Variants in ZNF557 observed in about 807,000 individuals in gnomAD.
The protein encoded by ZNF557 is zinc finger protein 557, also known as CTB-25J19.9.
In ZNF557, 19 loss-of-function variants were observed where a neutral mutation model predicts 21.2. The observed-to-expected ratio is 0.90, with a 90% confidence interval of 0.63 to 1.32. ZNF557 has a LOEUF of 1.32. Ranked by LOEUF, ZNF557 falls within the 40% of genes most tolerant of loss-of-function variation. The pLI, the probability that ZNF557 is intolerant of heterozygous loss-of-function variation, is 0.00. For synonymous variants in ZNF557, 207 were observed against 194.8 expected, an observed-to-expected ratio of 1.06 and a Z score of -0.52; for missense variants, 487 against 519.8, an observed-to-expected ratio of 0.94 and a Z score of 0.61.
Position 7,083,116 on chromosome 19 carries a change from ACC to A in ZNF557, c.666_667del (p.Leu223TyrfsTer4), listed in dbSNP as rs747465831. ...GGGAAAACCTTCAGCAGCAGATCTT[ACC>A]TTACTGTTCATAAGAGAATCCACAA... On this transcript the variant is annotated frameshift_variant, in exon 8 of 8. Coordinates refer to ENST00000252840, the MANE Select transcript of ZNF557 (RefSeq NM_024341.3). LOFTEE classifies it low-confidence loss of function (END_TRUNC). 6.2e-7 allele frequency: 1 copy of A among 1,614,178 alleles called. No homozygotes were observed. Among genetic ancestry groups the A allele is most frequent in the East Asian group, 2.2e-5 (1 of 44,878 alleles).
chr19:7,082,173 T>G, intron 7 of ZNF557, 121 bp downstream of exon 7: 1 of 723,220 alleles, frequency 1.4e-6, no homozygotes. Flanking sequence ...CCCAGCACCT[T>G]GGGAAGCTGA....
At position 7,073,161 on chromosome 19, in the gene ZNF557, T is replaced by TTG. The variant is rs1288884280; in HGVS notation, c.-79-1834_-79-1833insGT. On this transcript the variant is annotated intron_variant, in intron 2 of 7. Transcript: ENST00000252840. The stretch of plus-strand genomic sequence containing the variant: ...TTTGTTTTTTTGGTTTTTTTTGTTT[T>TTG]TTTTTTTTTGAGATGGAGTCTTACT... Among the ~76,000 whole-genome samples the TTG allele has an allele frequency of 6.8e-4, 102 of 149,060 alleles. 1 individual carries two copies. Among genetic ancestry groups the TTG allele is most frequent in the South Asian group, 5.9e-3 (28 of 4,716 alleles).
At chr19:7,079,621 A>G (rs1977661374) in intron 5 of ZNF557, among the ~76,000 whole-genome samples, 1 of 151,890 alleles carries the variant, frequency 6.6e-6, no homozygotes, top group African/African-American at 2.4e-5. Context: ...AGTTCTTTAA[A>G]TCTGATTTCC....
chr19:7,071,932 C>T (rs1466006541), intron 2 of ZNF557, among the ~76,000 whole-genome samples: 12 of 139,246 alleles, frequency 8.6e-5, no homozygotes, highest in South Asian at 4.7e-4. Flanking sequence ...GGTGAAACCC[C>T]GTCTGTACTA....
At chr19:7,082,118 A>G (rs929428676) in intron 7 of ZNF557, 66 bp downstream of exon 7, 1 of 1,334,554 alleles carries the variant, frequency 7.5e-7, no homozygotes, top group Non-Finnish European at 1.1e-6. Flanking sequence ...GAAAAGCCAC[A>G]AGGACTGGCC....
rs1430538308 is a variant in ZNF557, at chr19:7,084,608, C to T, written c.*864C>T. On this transcript the variant is annotated 3_prime_UTR_variant, in exon 8 of 8. Transcript: ENST00000252840. ...GTTCAAGCAGTCCTTTCATCTTGGC[C>T]TCCAGAAGTACTGGGATTACAGGCA... 2.0e-5 allele frequency: 3 copies of T among 152,200 alleles called. No individual in the cohort carries two copies. The highest frequency in any genetic ancestry group is 2.1e-4 in the South Asian group (1 of 4,828). 9.4% of individuals were successfully genotyped at this position (152,200 alleles called of 1,614,324 possible). A position where few individuals can be genotyped will look rare whatever the true frequency, so the allele number is the denominator to read the frequency against.
intron 2 of ZNF557, among the ~76,000 whole-genome samples, chr19:7,072,637 G>A (rs1369575135): frequency 1.3e-5 from 2 of 152,102 alleles, no homozygotes; most frequent in South Asian, 2.1e-4. Context: ...GCCTCTGCAC[G>A]TGCACTTTCC....
In ZNF557 at chr19:7,076,494, C is replaced by T. The variant is rs1977589915; in HGVS notation, c.234C>T (p.Asn78=). 1.2e-6 allele frequency: 2 copies of T among 1,614,062 alleles called. No homozygotes were observed. The highest frequency in any genetic ancestry group is 4.5e-5 in the East Asian group (2 of 44,880). ...YRDVMLENCR[N]LASLGNQVDK... ...ACGTGATGCTGGAGAACTGCAGGAA[C>T]CTGGCCTCACTGGGTAAGCCTAATG... Residue 78 remains asparagine (N), a synonymous_variant, in exon 5 of 8, where the codon AAC becomes AAT. Transcript: ENST00000252840.
chr19:7,078,722 C>A (rs1977633519), intron 5 of ZNF557, among the ~76,000 whole-genome samples: 1 of 152,114 alleles, frequency 6.6e-6, no homozygotes, highest in African/African-American at 2.4e-5. Flanking sequence ...TGACCCATTG[C>A]ACCTTGCCAA....
Position 7,083,377 on chromosome 19 carries a change from C to T in ZNF557, c.926C>T (p.Ser309Leu), listed in dbSNP as rs201284911. ...KAFGTRSSLS[S>L]HYSIHTGEYP... is the part of the protein sequence containing the mutation. Reference sequence around the variant, plus strand: ...TTCGGCACGAGGTCATCTCTTTCTTCGCACTATAGCATTCATACAGGGGAG... The same window carrying T: ...TTCGGCACGAGGTCATCTCTTTCTTTGCACTATAGCATTCATACAGGGGAG... The change falls in exon 8 of 8, where the codon TCG becomes TTG. Residue 309 changes from serine to leucine, a missense_variant. Coordinates refer to ENST00000252840, the MANE Select transcript of ZNF557 (RefSeq NM_024341.3). 50 of 1,614,032 alleles carry T rather than the reference C, an allele frequency of 3.1e-5. No individual in the cohort carries two copies. In the African/African-American group the frequency reaches 3.7e-4, roughly 12 times the overall value.
At position 7,083,387 on chromosome 19, in the gene ZNF557, C is replaced by T; in HGVS notation, c.936C>T (p.Ser312=). Residue 312 remains serine (S), a synonymous_variant, in exon 8 of 8, where the codon AGC becomes AGT. Coordinates refer to ENST00000252840, the MANE Select transcript of ZNF557 (RefSeq NM_024341.3). The part of the protein sequence containing the change: ...GTRSSLSSHY[S]IHTGEYPYEC... ...GGTCATCTCTTTCTTCGCACTATAG[C>T]ATTCATACAGGGGAGTACCCTTACG... 3.1e-6 allele frequency: 5 copies of T among 1,614,206 alleles called. No homozygotes were observed. The highest frequency in any genetic ancestry group is 4.2e-6 in the Non-Finnish European group (5 of 1,180,044).
intron 5 of ZNF557, among the ~76,000 whole-genome samples, chr19:7,079,014 G>A (rs1599841872): frequency 6.6e-6 from 1 of 151,514 alleles, no homozygotes; most frequent in Admixed American, 6.6e-5. Context: ...TTCCTATTTG[G>A]CTCCTTTTTA....
At position 7,077,132 on chromosome 19, in the gene ZNF557, C is replaced by CT. The variant is rs4031071; in HGVS notation, c.247+646dup. Among the ~76,000 whole-genome samples, 113 of 78,340 alleles carry CT rather than the reference C, an allele frequency of 1.4e-3. 5 individuals carry two copies. The highest frequency in any genetic ancestry group is 4.3e-3 in the African/African-American group (82 of 19,108). The allele number at this position is 78,340 out of a possible 152,430, so 51.4% of individuals were successfully genotyped here. Reference sequence around the variant, plus strand: ...TTTTGCTTAGCATAATGTTTTCTTTCTTTTTTTTTTTTTTTTTTTTTGAGA... The same window carrying CT: ...TTTTGCTTAGCATAATGTTTTCTTTCTTTTTTTTTTTTTTTTTTTTTTGAGA... On this transcript the variant is annotated intron_variant, in intron 5 of 7. Coordinates refer to ENST00000252840, the MANE Select transcript of ZNF557 (RefSeq NM_024341.3).
chr19:7,076,840 G>A (rs1022258842), intron 5 of ZNF557, among the ~76,000 whole-genome samples: 1 of 152,006 alleles, frequency 6.6e-6, no homozygotes, highest in Non-Finnish European at 1.5e-5. Context: ...GTCTCCCTCC[G>A]TCACCCAGGC....
At chr19:7,073,462 C>T (rs1209913528) in intron 2 of ZNF557, among the ~76,000 whole-genome samples, 1 of 151,990 alleles carries the variant, frequency 6.6e-6, no homozygotes, top group Admixed American at 6.6e-5. Flanking sequence ...GGCTATAATA[C>T]AGATTTTCTT....
In ZNF557 at chr19:7,083,279, G is replaced by T; in HGVS notation, c.828G>T (p.Gln276His). The T allele has an allele frequency of 6.2e-7, 1 of 1,614,228 alleles. No individual in the cohort carries two copies. The highest frequency in any genetic ancestry group is 8.5e-7 in the Non-Finnish European group (1 of 1,180,042). ...AGTGTTTTCGTGAGTTCCGCACTCA[G>T]TCAATCTTCACAAGGCACAAGAGAG... ...CNQCFREFRTQSIFTRHKRVH... is the reference protein window; with the variant it reads ...CNQCFREFRTHSIFTRHKRVH... The change falls in exon 8 of 8, where the codon CAG becomes CAT. Residue 276 changes from glutamine (Q) to histidine (H), a missense_variant. Physicochemically the swap from Gln to His is conservative, Grantham distance 24. Coordinates refer to ENST00000252840, the MANE Select transcript of ZNF557 (RefSeq NM_024341.3).
intron 2 of ZNF557, 52 bp from the exon 3 acceptor site, chr19:7,074,944 G>A: frequency 6.8e-7 from 1 of 1,481,464 alleles, no homozygotes; most frequent in Non-Finnish European, 9.3e-7. Context: ...CCGACGCAGG[G>A]CACGGGCTGG....
At position 7,086,803 on chromosome 19, in the gene ZNF557, A is replaced by T. The variant is rs1224083397; in HGVS notation, c.*3059A>T. The T allele has an allele frequency of 6.6e-6, 1 of 151,876 alleles. No individual in the cohort carries two copies. Among genetic ancestry groups the T allele is most frequent in the Non-Finnish European group, 1.5e-5 (1 of 67,976 alleles). 9.4% of individuals were successfully genotyped at this position (151,876 alleles called of 1,614,324 possible). ...CACTTTGGGAGGCCGAGGCAGGCGG[A>T]CCACCTGAGGTCAGGAGTTCAAGAC... On this transcript the variant is annotated 3_prime_UTR_variant, in exon 8 of 8. Transcript: ENST00000252840.
In ZNF557 at chr19:7,081,471, A is replaced by G. The variant is rs376126949; in HGVS notation, c.343+16A>G. The G allele has an allele frequency of 1.3e-6, 2 of 1,569,440 alleles. No homozygotes were observed. Among genetic ancestry groups the G allele is most frequent in the Admixed American group, 1.7e-5 (1 of 59,418 alleles). On this transcript the variant is annotated intron_variant, in intron 6 of 7. Coordinates refer to ENST00000252840, the MANE Select transcript of ZNF557 (RefSeq NM_024341.3). ...ACCTGTCCAGGTGAGCACCAGGTGGATATAAGTCCTTGTGAGGAACAGCTC... is the reference window on the plus strand; with the variant it reads ...ACCTGTCCAGGTGAGCACCAGGTGGGTATAAGTCCTTGTGAGGAACAGCTC...
Sources: gnomAD v4.1 joint callset for allele counts (sites outside exome capture counted in the v4.1 genomes callset) on GRCh38, gnomAD v4.1.1 for gene constraint, MANE v1.5 for transcripts, NCBI Gene and HGNC (gene_info 2026-07-23, HGNC 2026-07-21) for gene names.